TXLNB: variants seen among roughly 807,000 people sequenced by gnomAD.
TXLNB encodes taxilin beta, also known as beta-taxilin.
In TXLNB, 37 loss-of-function variants were observed where a neutral mutation model predicts 57.4. That is an observed-to-expected ratio of 0.64 (90% CI 0.50 to 0.85). The LOEUF (loss-of-function observed/expected upper bound fraction) is 0.85. Among genes scored for constraint, TXLNB ranks in the 40% least tolerant of loss-of-function variants. The pLI is 0.00. For synonymous variants in TXLNB, 302 were observed against 309.6 expected (o/e 0.98, Z 0.26); for missense variants, 848 against 825.6 (o/e 1.03, Z -0.33).
intron 3 of TXLNB, among the ~76,000 whole-genome samples, chr6:139,273,473 T>G (rs1400556945): frequency 6.6e-6 from 1 of 152,356 alleles, no homozygotes; most frequent in East Asian, 1.9e-4. Context: ...TTAATTTTAA[T>G]TTTTTAGAGA....
At chr6:139,179,558 G>A in the TXLNB span, 1 of 152,174 alleles carries the variant, frequency 6.6e-6, no homozygotes, top group South Asian at 2.1e-4. Context: ...AAAGAGAAAA[G>A]CATAAGAGCA....
chr6:139,267,466 G>T (rs925513042), intron 4 of TXLNB, among the ~76,000 whole-genome samples: 6 of 152,234 alleles, frequency 3.9e-5, no homozygotes, highest in African/African-American at 1.4e-4. Context: ...TAATCACAGA[G>T]CAACTACTAA....
chr6:139,208,874 T>C, the TXLNB span, among the ~76,000 whole-genome samples: 1 of 152,130 alleles, frequency 6.6e-6, no homozygotes, highest in Admixed American at 6.5e-5. Flanking sequence ...CCTTGAGAAC[T>C]GGAACAAGAC....
chr6:139,163,011 A>T, the TXLNB span, among the ~76,000 whole-genome samples: 8 of 151,896 alleles, frequency 5.3e-5, no homozygotes, highest in Non-Finnish European at 1.0e-4. Flanking sequence ...TTTTCACCTC[A>T]CTGTCTACCT....
intron 4 of TXLNB, among the ~76,000 whole-genome samples, chr6:139,269,477 G>A (rs974237378): frequency 1.3e-5 from 2 of 152,138 alleles, no homozygotes; most frequent in African/African-American, 4.8e-5. Context: ...GACGCCAGTA[G>A]CACATCTAAA....
intron 2 of TXLNB, among the ~76,000 whole-genome samples, chr6:139,277,632 A>C (rs966750287): frequency 6.6e-6 from 1 of 152,308 alleles, no homozygotes; most frequent in African/African-American, 2.4e-5. Context: ...GTGATAATGG[A>C]CACAGCCTTC....
the TXLNB span, among the ~76,000 whole-genome samples, chr6:139,306,774 G>T: frequency 6.6e-6 from 1 of 152,134 alleles, no homozygotes; most frequent in Non-Finnish European, 1.5e-5. Context: ...AGGCAGCAGG[G>T]GACCCTACTC....
At chr6:139,218,643 T>C in the TXLNB span, among the ~76,000 whole-genome samples, 62 of 152,124 alleles carry the variant, frequency 4.1e-4, no homozygotes, top group African/African-American at 1.4e-3. Context: ...TCCCAGCTAC[T>C]TGGGAGGCCG....
chr6:139,293,095 G>GTATT (rs1481313395), upstream of TXLNB, among the ~76,000 whole-genome samples: 7 of 151,916 alleles, frequency 4.6e-5, no homozygotes, highest in African/African-American at 9.7e-5. Flanking sequence ...AATCATAAGG[G>GTATT]TATTTATTTA....
chr6:139,217,501 T>C, the TXLNB span, among the ~76,000 whole-genome samples: 1 of 152,118 alleles, frequency 6.6e-6, no homozygotes, highest in Non-Finnish European at 1.5e-5. Flanking sequence ...CATAGTAAAA[T>C]ACCAGACACT....
chr6:139,323,320 T>C, the TXLNB span, among the ~76,000 whole-genome samples: 1 of 150,774 alleles, frequency 6.6e-6, no homozygotes, highest in Non-Finnish European at 1.5e-5. Flanking sequence ...TCTCGCTCTG[T>C]CGCCTAGGCT....
chr6:139,202,840 G>A, the TXLNB span, among the ~76,000 whole-genome samples: 6 of 152,092 alleles, frequency 3.9e-5, no homozygotes, highest in East Asian at 1.9e-4. Context: ...TCTGTAAACC[G>A]CCTCTCCCTA....
the TXLNB span, among the ~76,000 whole-genome samples, chr6:139,200,423 C>T: frequency 6.6e-6 from 1 of 152,162 alleles, no homozygotes; most frequent in Non-Finnish European, 1.5e-5. Flanking sequence ...CCTTATGTAG[C>T]GTGGTCAAAG....
At chr6:139,196,583 C>A in the TXLNB span, among the ~76,000 whole-genome samples, 2 of 129,368 alleles carry the variant, frequency 1.5e-5, no homozygotes, top group African/African-American at 6.0e-5. Context: ...ACTATGTTGG[C>A]CAGGCTGGTC....
chr6:139,308,295 A>G, the TXLNB span, among the ~76,000 whole-genome samples: 2 of 152,324 alleles, frequency 1.3e-5, no homozygotes, highest in East Asian at 1.9e-4. Context: ...TAAGCGATAC[A>G]ACTACCTGCC....
chr6:139,281,086 G>A (rs773519964), intron 2 of TXLNB, among the ~76,000 whole-genome samples: 16 of 151,890 alleles, frequency 1.1e-4, no homozygotes, highest in Non-Finnish European at 2.1e-4. Flanking sequence ...ATTATTTTGT[G>A]TGTGTGTGGA....
At position 139,281,854 on chromosome 6, in the gene TXLNB, T is replaced by C; in HGVS notation, c.425-4933A>G. The stretch of plus-strand genomic sequence containing the variant: ...TGAGCCACCGCGCCCGGCCCTGGAG[T>C]TCTTATTAGGTCAACAGTGATGATG... On this transcript the variant is annotated intron_variant, in intron 2 of 9. Coordinates refer to ENST00000358430, the MANE Select transcript of TXLNB (RefSeq NM_153235.4). Among the ~76,000 whole-genome samples, 2 of 118,048 alleles carry C rather than the reference T, an allele frequency of 1.7e-5. 1 individual carries two copies. The highest frequency in any genetic ancestry group is 3.2e-5 in the Non-Finnish European group (2 of 61,708). 77.4% of individuals were successfully genotyped at this position (118,048 alleles called of 152,430 possible). A position where few individuals can be genotyped will look rare whatever the true frequency, so the allele number is the denominator to read the frequency against.
At chr6:139,210,405 G>A in the TXLNB span, among the ~76,000 whole-genome samples, 1 of 152,138 alleles carries the variant, frequency 6.6e-6, no homozygotes, top group Admixed American at 6.5e-5. Context: ...AAAGACACAT[G>A]CACACACATG....
the TXLNB span, among the ~76,000 whole-genome samples, chr6:139,205,929 G>A: frequency 2.0e-5 from 3 of 152,184 alleles, no homozygotes; most frequent in Non-Finnish European, 4.4e-5. Flanking sequence ...TGAGACAAAA[G>A]CATCAGGTAA....
Sources: allele counts gnomAD v4.1 joint callset (sites outside exome capture counted in the v4.1 genomes callset), GRCh38; gene constraint gnomAD v4.1.1; transcripts MANE v1.5; gene names NCBI Gene and HGNC (gene_info 2026-07-23, HGNC 2026-07-21).